The following NEK7 variants were observed in gnomAD, a reference collection of about 807,000 sequenced individuals.
NEK7 encodes serine/threonine-protein kinase Nek7.
NEK7 carries 18 observed loss-of-function variants against 44.6 expected under a neutral mutation model. The ratio of observed to expected loss-of-function variants is 0.40; its 90% CI spans 0.28 to 0.60. NEK7 has a LOEUF of 0.60. NEK7 is among the 20% of genes least tolerant of loss of function. NEK7 has a pLI of 0.38. For missense variants in NEK7, 256 were observed against 366.5 expected, an observed-to-expected ratio of 0.70 and a Z score of 2.46; for synonymous variants, 130 against 121.1, an observed-to-expected ratio of 1.07 and a Z score of -0.48.
intron 1 of NEK7, among the ~76,000 whole-genome samples, chr1:198,222,001 T>C (rs973126061): frequency 1.3e-5 from 2 of 151,822 alleles, no homozygotes; most frequent in African/African-American, 4.8e-5. Flanking sequence ...TTGTACTTTG[T>C]TTAATAGTTT....
rs1470237339 is a variant in NEK7 at position 198,202,112 on chromosome 1, G to A, written c.-28-30441G>A. Among the ~76,000 whole-genome samples the A allele has an allele frequency of 1.1e-4, 17 of 152,146 alleles. 1 individual carries two copies. Among genetic ancestry groups the A allele is most frequent in the Admixed American group, 3.9e-4 (6 of 15,272 alleles). On this transcript the variant is annotated intron_variant, in intron 1 of 9. Transcript: ENST00000367385. ...AAAAAGTCAGAGGTACTTCAGCCACGTCTATTTCCAAACCAGAAATAACTC... is the reference window on the plus strand; with the variant it reads ...AAAAAGTCAGAGGTACTTCAGCCACATCTATTTCCAAACCAGAAATAACTC...
intron 2 of NEK7, among the ~76,000 whole-genome samples, chr1:198,249,162 T>C (rs1003228881): frequency 1.1e-4 from 16 of 151,628 alleles, no homozygotes; most frequent in Admixed American, 4.6e-4. Flanking sequence ...GTTCTTGCGA[T>C]AGTTTACTGA....
chr1:198,210,853 C>T (rs957220301), intron 1 of NEK7, among the ~76,000 whole-genome samples: 19 of 146,044 alleles, frequency 1.3e-4, no homozygotes, highest in Admixed American at 1.0e-3. Context: ...CCCGGGTTCA[C>T]GCCATTCTCC....
intron 6 of NEK7, among the ~76,000 whole-genome samples, chr1:198,278,474 G>A (rs1047429055): frequency 2.0e-5 from 3 of 149,732 alleles, no homozygotes; most frequent in African/African-American, 7.6e-5. Context: ...TAATTGATCC[G>A]CTGATACTGA....
At position 198,253,120 on chromosome 1, in the gene NEK7, T is replaced by C. The variant is rs755367740; in HGVS notation, c.138T>C (p.Ser46=). 27 of 1,612,414 alleles carry C rather than the reference T, an allele frequency of 1.7e-5. No individual in the cohort carries two copies. The highest frequency in any genetic ancestry group is 3.3e-5 in the Admixed American group (2 of 59,922). ...IEKKIGRGQF[S]EVYRAACLLD... is the part of the protein sequence containing the mutation. ...AGAAAATTGGTCGCGGACAATTTAGTGAAGTTTATAGAGCAGCCTGTCTCT... is the reference window on the plus strand; with the variant it reads ...AGAAAATTGGTCGCGGACAATTTAGCGAAGTTTATAGAGCAGCCTGTCTCT... The change falls in exon 3 of 10, where the codon AGT becomes AGC. Residue 46 remains serine, a synonymous_variant. Transcript: ENST00000367385.
At chr1:198,163,534 TAAAA>T (rs1158094509) in intron 1 of NEK7, among the ~76,000 whole-genome samples, 1 of 151,824 alleles carries the variant, frequency 6.6e-6, no homozygotes, top group Admixed American at 6.6e-5. Context: ...AAAAAAAAAT[TAAAA>T]AAAGAGACAC....
intron 1 of NEK7, among the ~76,000 whole-genome samples, chr1:198,172,333 G>A (rs1032256469): frequency 6.6e-6 from 1 of 152,134 alleles, no homozygotes; most frequent in African/African-American, 2.4e-5. Context: ...AGACTCTTTG[G>A]ACACTTAATT....
intron 1 of NEK7, among the ~76,000 whole-genome samples, chr1:198,166,563 G>T (rs576666771): frequency 6.6e-6 from 1 of 152,152 alleles, no homozygotes; most frequent in Non-Finnish European, 1.5e-5. Flanking sequence ...TTATTAATTG[G>T]CTTAATTTTC....
intron 5 of NEK7, among the ~76,000 whole-genome samples, chr1:198,276,463 A>C (rs1654021857): frequency 6.6e-6 from 1 of 151,648 alleles, no homozygotes; most frequent in South Asian, 2.1e-4. Context: ...TCCAAGTCTG[A>C]AAGAAAATTA....
At chr1:198,228,797 A>T (rs183907754) in intron 1 of NEK7, among the ~76,000 whole-genome samples, 15 of 152,306 alleles carry the variant, frequency 9.8e-5, no homozygotes, top group African/African-American at 3.4e-4. Flanking sequence ...TAGATATACA[A>T]TCATGTCATC....
Position 198,232,714 on chromosome 1 carries a change from A to G in NEK7, c.57+77A>G, listed in dbSNP as rs1571555837. 4 of 795,088 alleles carry G rather than the reference A, an allele frequency of 5.0e-6. No homozygotes were observed. In the East Asian group the frequency reaches 1.1e-4, roughly 22 times the overall value. The allele number at this position is 795,088 out of a possible 1,614,324, so 49.3% of individuals were successfully genotyped here. A position where few individuals can be genotyped will look rare whatever the true frequency, so the allele number is the denominator to read the frequency against. On this transcript the variant is annotated intron_variant, in intron 2 of 9. Coordinates refer to ENST00000367385, the MANE Select transcript of NEK7 (RefSeq NM_133494.3). The stretch of plus-strand genomic sequence containing the variant: ...ATGTGTAAGAAAGTAGTACATTTAC[A>G]GTTCCTTTAGGAAATAAAGTAGCAC...
chr1:198,267,568 C>T (rs1027784129), intron 5 of NEK7, among the ~76,000 whole-genome samples: 2 of 151,976 alleles, frequency 1.3e-5, no homozygotes, highest in Non-Finnish European at 1.5e-5. Context: ...CTCTGCCTCC[C>T]TAGTAGCTAG....
intron 9 of NEK7, among the ~76,000 whole-genome samples, chr1:198,301,266 A>C (rs6428451): frequency 1 from 152,287 of 152,372 alleles, 76,102 homozygotes; most frequent in Middle Eastern, 1. Flanking sequence ...CATAACATTT[A>C]TGGGCCGGGC....
intron 1 of NEK7, among the ~76,000 whole-genome samples, chr1:198,177,365 C>CA (rs1378583033): frequency 4.6e-5 from 7 of 152,048 alleles, no homozygotes; most frequent in Non-Finnish European, 1.0e-4. Context: ...AGAGACCTAA[C>CA]AAAATCAAAG....
At chr1:198,255,541 A>G (rs375306337) in intron 3 of NEK7, among the ~76,000 whole-genome samples, 17 of 152,114 alleles carry the variant, frequency 1.1e-4, no homozygotes, top group African/African-American at 4.1e-4. Context: ...AGGAAGAAAA[A>G]AGCTCTTGCT....
chr1:198,230,141 A>G (rs1666343543), intron 1 of NEK7, among the ~76,000 whole-genome samples: 1 of 152,198 alleles, frequency 6.6e-6, no homozygotes, highest in Admixed American at 6.5e-5. Flanking sequence ...GTTATTTCAT[A>G]GGGGTCTTTG....
chr1:198,166,384 C>T (rs1000842321), intron 1 of NEK7, among the ~76,000 whole-genome samples: 6 of 152,234 alleles, frequency 3.9e-5, no homozygotes, highest in Admixed American at 2.0e-4. Flanking sequence ...TTTGCATTCA[C>T]AACTTGGCTG....
chr1:198,233,456 A>G (rs1045356181), intron 2 of NEK7, among the ~76,000 whole-genome samples: 1 of 152,142 alleles, frequency 6.6e-6, no homozygotes, highest in Non-Finnish European at 1.5e-5. Context: ...CCTGAAGACT[A>G]TATTTCTCAG....
intron 1 of NEK7, among the ~76,000 whole-genome samples, chr1:198,166,907 T>C (rs188849971): frequency 1.8e-4 from 28 of 152,348 alleles, no homozygotes; most frequent in Non-Finnish European, 3.7e-4. Context: ...CTTCAGTTTA[T>C]AAAAAACACA....
Sources: gnomAD v4.1 joint callset for allele counts (sites outside exome capture counted in the v4.1 genomes callset) on GRCh38, gnomAD v4.1.1 for gene constraint, MANE v1.5 for transcripts, NCBI Gene and HGNC (gene_info 2026-07-23, HGNC 2026-07-21) for gene names.